Variants in PRDM15 observed in about 807,000 individuals in gnomAD.
PRDM15 encodes PR domain zinc finger protein 15.
PRDM15 carries 64 observed loss-of-function variants against 128.6 expected under a neutral mutation model. That is an observed-to-expected ratio of 0.50 (90% CI 0.41 to 0.61). The LOEUF (loss-of-function observed/expected upper bound fraction) is 0.61, where lower values mean the gene tolerates loss of function less well. Ranked by LOEUF, PRDM15 falls within the 20% of genes least tolerant of loss-of-function variation. The pLI is 0.00. For synonymous variants in PRDM15, 615 were observed against 621.8 expected, an observed-to-expected ratio of 0.99 and a Z score of 0.16; for missense variants, 1,242 against 1,569.1, an observed-to-expected ratio of 0.79 and a Z score of 3.52.
intron 11 of PRDM15, 78 bp downstream of exon 11, chr21:41,835,359 A>C (rs2062836564): frequency 1.7e-6 from 2 of 1,186,428 alleles, no homozygotes; most frequent in East Asian, 2.4e-5. Context: ...ACTTTGGCCT[A>C]AAGTTCCACG....
intron 18 of PRDM15, among the ~76,000 whole-genome samples, chr21:41,819,241 G>A (rs2062158600): frequency 6.6e-6 from 1 of 152,228 alleles, no homozygotes; most frequent in Admixed American, 6.5e-5. Context: ...CTCGCACTAT[G>A]GTAGATACCT....
chr21:41,817,199 A>G (rs1390301262), intron 18 of PRDM15, among the ~76,000 whole-genome samples: 2 of 152,244 alleles, frequency 1.3e-5, no homozygotes, highest in Non-Finnish European at 2.9e-5. Flanking sequence ...CAATCCATTT[A>G]CAAATTACCG....
chr21:41,824,750 T>C (rs1486605790), intron 13 of PRDM15, among the ~76,000 whole-genome samples: 3 of 152,158 alleles, frequency 2.0e-5, no homozygotes, highest in Admixed American at 2.0e-4. Context: ...GTCCGGAGCC[T>C]CACCTGGACC....
intron 16 of PRDM15, 150 bp from the exon 17 acceptor site, chr21:41,820,324 G>A (rs2062210364): frequency 3.1e-6 from 2 of 651,206 alleles, no homozygotes; most frequent in South Asian, 1.8e-5. Context: ...CTCTGCCACG[G>A]GCTCAATCGT....
At chr21:41,874,525 A>T (rs12481835) in intron 1 of PRDM15, among the ~76,000 whole-genome samples, 42,776 of 96,368 alleles carry the variant, frequency 0.44, 9,873 homozygotes, top group Middle Eastern at 0.49. Context: ...ATATATATAT[A>T]TTTTTTTTTT....
chr21:41,855,922 CCCTCCCTCCCTT>C (rs2063572313), intron 4 of PRDM15, among the ~76,000 whole-genome samples: 1 of 3,664 alleles, frequency 2.7e-4, no homozygotes, highest in African/African-American at 1.2e-3. Flanking sequence ...TTCCCTCCCT[CCCTCCCTCCCTT>C]CCTTCCTTTC....
intron 3 of PRDM15, chr21:41,858,908 C>T: frequency 1.4e-6 from 1 of 700,670 alleles, no homozygotes. Flanking sequence ...AGACGGCGGC[C>T]ACCTGTGCAG....
Position 41,823,343 on chromosome 21 carries a change from C to T in PRDM15, c.1736G>A (p.Arg579Lys). The T allele has an allele frequency of 2.5e-6, 4 of 1,606,790 alleles. No homozygotes were observed. The highest frequency in any genetic ancestry group is 3.4e-6 in the Non-Finnish European group (4 of 1,176,852). Residue 579 changes from arginine (R) to lysine (K), a missense_variant, in exon 14 of 24, where the codon AGG becomes AAG. Transcript: ENST00000398548. The stretch of plus-strand genomic sequence containing the variant: ...CTTGAAGTGGACATGGATGTGGTCC[C>T]TGAGCACATCCACGCGGAAGAACTT... Reference protein sequence around the residue: ...GRKFFRVDVLRDHIHVHFKDI... With the variant: ...GRKFFRVDVLKDHIHVHFKDI...
intron 7 of PRDM15, among the ~76,000 whole-genome samples, chr21:41,838,425 G>A (rs1601317315): frequency 6.6e-6 from 1 of 152,162 alleles, no homozygotes; most frequent in Non-Finnish European, 1.5e-5. Flanking sequence ...TTTTAGAAAT[G>A]TTAATGTTTC....
At chr21:41,838,509 G>A (rs1447569806) in intron 7 of PRDM15, among the ~76,000 whole-genome samples, 1 of 152,092 alleles carries the variant, frequency 6.6e-6, no homozygotes, top group Non-Finnish European at 1.5e-5. Flanking sequence ...TCACATCATC[G>A]CCAATACTGG....
chr21:41,879,188 G>T lies in PRDM15; in HGVS notation c.-10+82C>A, dbSNP rs2064549494. ...GGCAGCGGGCCCAGGGCGCGCCGGG[G>T]CTCGCGGGGGCAGCGGGTGCGGCCC... On this transcript the variant is annotated intron_variant, in intron 1 of 23. Coordinates refer to ENST00000398548, the MANE Select transcript of PRDM15 (RefSeq NM_001040424.3). This position sits in a 1 kb window ranked among gnomAD's most constrained non-coding sequence, Gnocchi z 5.1. 3.7e-6 allele frequency: 3 copies of T among 803,746 alleles called. No homozygotes were observed. Among genetic ancestry groups the T allele is most frequent in the Non-Finnish European group, 1.5e-6 (1 of 666,862 alleles). The allele number at this position is 803,746 out of a possible 1,614,324, so 49.8% of individuals were successfully genotyped here. A position where few individuals can be genotyped will look rare whatever the true frequency, so the allele number is the denominator to read the frequency against.
At chr21:41,849,391 AACGCCGTCTCT>A (rs1394389365) in intron 5 of PRDM15, among the ~76,000 whole-genome samples, 2 of 151,822 alleles carry the variant, frequency 1.3e-5, no homozygotes, top group African/African-American at 4.8e-5. Flanking sequence ...AACATAGCAA[AACGCCGTCTCT>A]ACTAAAAAAT....
At chr21:41,824,010 G>C (rs138622028) in intron 13 of PRDM15, among the ~76,000 whole-genome samples, 1 of 152,278 alleles carries the variant, frequency 6.6e-6, no homozygotes, top group African/African-American at 2.4e-5. Flanking sequence ...GACAGATGTG[G>C]CCCCACTGGC....
intron 6 of PRDM15, among the ~76,000 whole-genome samples, chr21:41,841,041 A>G (rs906505532): frequency 6.6e-6 from 1 of 152,220 alleles, no homozygotes; most frequent in Non-Finnish European, 1.5e-5. Flanking sequence ...GAAGTGTAAT[A>G]TAACAAGAAG....
chr21:41,857,363 G>A (rs1244108272), intron 3 of PRDM15, 34 bp from the exon 4 acceptor site: 1 of 1,611,398 alleles, frequency 6.2e-7, no homozygotes, highest in Non-Finnish European at 8.5e-7. Context: ...TCAAAAGAGA[G>A]CACTCACACC....
rs1190599426 is a variant in PRDM15, at chr21:41,818,052, G to A, written c.2260+1530C>T. ...CCTCTCTGCCTGCCTAAGAGGCCCG[G>A]CCCTGAATAAGCCCCCACCCCTGCC... On this transcript the variant is annotated intron_variant, in intron 18 of 23. Coordinates refer to ENST00000398548, the MANE Select transcript of PRDM15 (RefSeq NM_001040424.3). Among the ~76,000 whole-genome samples the A allele has an allele frequency of 3.3e-5, 5 of 152,314 alleles. No individual in the cohort carries two copies. In the East Asian group the frequency reaches 7.7e-4, roughly 23 times the overall value.
chr21:41,829,148 CAA>C lies in PRDM15; in HGVS notation c.1367-817_1367-816del, dbSNP rs2062588670. Among the ~76,000 whole-genome samples the C allele has an allele frequency of 3.4e-5, 5 of 146,080 alleles. No homozygotes were observed. In the East Asian group the frequency reaches 1.0e-3, roughly 29 times the overall value. On this transcript the variant is annotated intron_variant, in intron 11 of 23. Transcript: ENST00000398548. ...ACATACCACACACACATGCCCCACA[CAA>C]ATACACAAATACACAATCACACACA...
chr21:41,872,352 C>T (rs867272582), intron 1 of PRDM15, among the ~76,000 whole-genome samples: 1 of 152,114 alleles, frequency 6.6e-6, no homozygotes, highest in African/African-American at 2.4e-5. Context: ...ATTCTCTTCC[C>T]CTCCCCTCAT....
chr21:41,810,834 T>A lies in PRDM15; in HGVS notation c.2395A>T (p.Ile799Phe), dbSNP rs765117110. ...MLKHCKRHTG[I>F]KDFMCELCGK... ...CACAATTCACACATGAAATCTTTAA[T>A]CCCTGCAGAGAAAGGCGCACATAAC... Residue 799 changes from isoleucine to phenylalanine, a missense_variant and splice_region_variant, in exon 20 of 24, where the codon ATT (isoleucine) becomes TTT (phenylalanine). Around this residue, in one of 3 missense-constraint regions of PRDM15, gnomAD observed 602 missense variants for 788.3 expected, o/e 0.76. Transcript: ENST00000398548. This position sits in a 1 kb window ranked among gnomAD's most constrained non-coding sequence, Gnocchi z 6.4. The A allele has an allele frequency of 6.2e-7, 1 of 1,613,904 alleles. No homozygotes were observed. Among genetic ancestry groups the A allele is most frequent in the Non-Finnish European group, 8.5e-7 (1 of 1,179,958 alleles).
Sources: allele counts gnomAD v4.1 joint callset (sites outside exome capture counted in the v4.1 genomes callset), GRCh38; gene constraint gnomAD v4.1.1; regional missense constraint gnomAD v4.1.1; non-coding constraint Gnocchi (gnomAD v3.1); transcripts MANE v1.5; gene names NCBI Gene and HGNC (gene_info 2026-07-23, HGNC 2026-07-21).